The following DPYS variants were observed in gnomAD, a reference collection of about 807,000 sequenced individuals.
The protein encoded by DPYS is dihydropyrimidine amidohydrolase.
A neutral mutation model predicts 50.3 loss-of-function variants in DPYS; 39 were observed. The ratio of observed to expected loss-of-function variants is 0.78; its 90% CI spans 0.60 to 1.01. The LOEUF (loss-of-function observed/expected upper bound fraction) is 1.01, where lower values mean the gene tolerates loss of function less well. DPYS is among the 50% of genes least tolerant of loss of function. The probability of loss-of-function intolerance (pLI) is 0.00; values close to 1 mark genes in which losing one functional copy is unlikely to be tolerated. For synonymous variants in DPYS, 245 were observed against 250.7 expected, an observed-to-expected ratio of 0.98 and a Z score of 0.22; for missense variants, 659 against 680.9, an observed-to-expected ratio of 0.97 and a Z score of 0.36.
At chr8:104,431,132 G>A (rs560118340) in intron 4 of DPYS, among the ~76,000 whole-genome samples, 4 of 152,216 alleles carry the variant, frequency 2.6e-5, no homozygotes, top group African/African-American at 7.2e-5. Flanking sequence ...TTTACAAGTC[G>A]CTGACTGAGG....
intron 1 of DPYS, among the ~76,000 whole-genome samples, chr8:104,454,845 G>T (rs1813870017): frequency 1.3e-5 from 2 of 152,124 alleles, no homozygotes; most frequent in African/African-American, 2.4e-5. Flanking sequence ...TCAGGATTAG[G>T]ACCTACACGT....
chr8:104,396,132 T>C (rs2853156), intron 7 of DPYS, among the ~76,000 whole-genome samples: 141,027 of 152,300 alleles, frequency 0.93, 65,704 homozygotes, highest in Middle Eastern at 0.99. Context: ...TTCAAACCTT[T>C]AGGGTGAAAA....
intron 1 of DPYS, 68 bp from the exon 2 acceptor site, chr8:104,451,472 A>G: frequency 6.3e-7 from 1 of 1,599,502 alleles, no homozygotes; most frequent in Non-Finnish European, 8.5e-7. Flanking sequence ...ATCATCTTGA[A>G]CAATGTGCAT....
At chr8:104,418,124 G>A (rs374146197) in intron 7 of DPYS, among the ~76,000 whole-genome samples, 1 of 152,298 alleles carries the variant, frequency 6.6e-6, no homozygotes, top group African/African-American at 2.4e-5. Context: ...AAATGCATCC[G>A]TTCTCCAGAG....
chr8:104,454,854 G>A (rs529415057), intron 1 of DPYS, among the ~76,000 whole-genome samples: 13 of 152,268 alleles, frequency 8.5e-5, no homozygotes, highest in South Asian at 8.3e-4. Flanking sequence ...GGACCTACAC[G>A]TGGAAGTTTC....
At chr8:104,406,345 C>G (rs1266316621) in intron 7 of DPYS, among the ~76,000 whole-genome samples, 1 of 152,154 alleles carries the variant, frequency 6.6e-6, no homozygotes, top group Non-Finnish European at 1.5e-5. Context: ...GGCATCTATA[C>G]CTAGAGCTCT....
At chr8:104,390,632 G>A (rs1008495523) in intron 8 of DPYS, among the ~76,000 whole-genome samples, 13 of 151,936 alleles carry the variant, frequency 8.6e-5, no homozygotes, top group Non-Finnish European at 1.9e-4. Flanking sequence ...TAAGTAGCTG[G>A]GACTACAGGG....
At chr8:104,387,245 T>C (rs1040748044) in intron 8 of DPYS, among the ~76,000 whole-genome samples, 9 of 152,206 alleles carry the variant, frequency 5.9e-5, no homozygotes, top group South Asian at 2.1e-4. Flanking sequence ...ACAATGAAGA[T>C]TGGCATTTTG....
intron 7 of DPYS, among the ~76,000 whole-genome samples, chr8:104,399,880 A>T (rs1281883836): frequency 6.6e-6 from 1 of 150,940 alleles, no homozygotes; most frequent in East Asian, 1.9e-4. Context: ...AAAAAAAAAA[A>T]AAAAAAAAAA....
At chr8:104,453,750 C>G (rs900302193) in intron 1 of DPYS, among the ~76,000 whole-genome samples, 3 of 152,312 alleles carry the variant, frequency 2.0e-5, no homozygotes, top group Admixed American at 6.5e-5. Flanking sequence ...TGAATATTCA[C>G]AGCAGCATGA....
chr8:104,381,879 C>CACACACACACAT (rs1554689944), intron 8 of DPYS, among the ~76,000 whole-genome samples: 1 of 126,822 alleles, frequency 7.9e-6, no homozygotes, highest in Admixed American at 7.8e-5. Flanking sequence ...CACACACACA[C>CACACACACACAT]ACACATACAC....
intron 6 of DPYS, 133 bp from the exon 7 acceptor site, chr8:104,424,522 T>C (rs1045143386): frequency 9.7e-6 from 9 of 932,326 alleles, no homozygotes; most frequent in Non-Finnish European, 1.5e-5. Flanking sequence ...CATCTGAGGA[T>C]GCTGGTAAGT....
At chr8:104,403,425 A>G (rs1351495764) in intron 7 of DPYS, among the ~76,000 whole-genome samples, 1 of 104,328 alleles carries the variant, frequency 9.6e-6, no homozygotes. Flanking sequence ...GCTTGCCACC[A>G]TCTTGGAAGC....
At chr8:104,424,606 C>T (rs1453581807) in intron 6 of DPYS, among the ~76,000 whole-genome samples, 2 of 152,118 alleles carry the variant, frequency 1.3e-5, no homozygotes, top group Non-Finnish European at 2.9e-5. Flanking sequence ...TTTTCAGAAA[C>T]CCCACTACTT....
At chr8:104,418,740 T>C (rs1812453807) in intron 7 of DPYS, 1 of 152,414 alleles carries the variant, frequency 6.6e-6, no homozygotes, top group Non-Finnish European at 1.5e-5. Flanking sequence ...TTCATGTCGA[T>C]GACTGCTCTA....
intron 7 of DPYS, chr8:104,423,882 A>C: frequency 1.3e-6 from 1 of 743,408 alleles, no homozygotes; most frequent in Non-Finnish European, 1.6e-6. Flanking sequence ...AAAAGGCTGT[A>C]ATTATTTTGA....
chr8:104,421,740 T>C (rs188301646), intron 7 of DPYS, among the ~76,000 whole-genome samples: 147 of 152,332 alleles, frequency 9.6e-4, no homozygotes, highest in Non-Finnish European at 2.9e-5. Flanking sequence ...AAGTTAGTTA[T>C]TCTTAGACTA....
chr8:104,407,955 GAA>G (rs34571719), intron 7 of DPYS, among the ~76,000 whole-genome samples: 8 of 146,396 alleles, frequency 5.5e-5, no homozygotes, highest in Non-Finnish European at 7.5e-5. Flanking sequence ...AAGACAGGAA[GAA>G]AAAAAAAAAG....
rs1424055145 is a variant in DPYS at position 104,424,313 on chromosome 8, G to T, written c.1169C>A (p.Pro390Gln). 6.2e-7 allele frequency: 1 copy of T among 1,613,976 alleles called. No homozygotes were observed. The highest frequency in any genetic ancestry group is 2.2e-5 in the East Asian group (1 of 44,882). The change falls in exon 7 of 10, where the codon CCA becomes CAA. Residue 390 changes from proline (P) to glutamine (Q), a missense_variant. Physicochemically the swap from Pro to Gln is moderately conservative, Grantham distance 76. Coordinates refer to ENST00000351513, the MANE Select transcript of DPYS (RefSeq NM_001385.3). ...TNAAKIFNLYPRKGRIAVGSD... is the reference protein window; with the variant it reads ...TNAAKIFNLYQRKGRIAVGSD... ...TCCTACAGCTATTCTTCCTTTTCTT[G>T]GATAGAGATTAAAAATTTTGGCTGC... is the stretch of plus-strand genomic sequence containing the variant.
Sources: allele counts gnomAD v4.1 joint callset (sites outside exome capture counted in the v4.1 genomes callset), GRCh38; gene constraint gnomAD v4.1.1; transcripts MANE v1.5; gene names NCBI Gene and HGNC (gene_info 2026-07-23, HGNC 2026-07-21).